DNAI4: variants seen among roughly 807,000 people sequenced by gnomAD.
The protein encoded by DNAI4 is dynein axonemal intermediate chain 4.
DNAI4 carries 85 observed loss-of-function variants against 105.8 expected under a neutral mutation model. The ratio of observed to expected loss-of-function variants is 0.80; its 90% confidence interval spans 0.67 to 0.96. The LOEUF (loss-of-function observed/expected upper bound fraction) is 0.96. Among genes scored for constraint, DNAI4 ranks in the 40% least tolerant of loss-of-function variants. The pLI is 0.00. For missense variants in DNAI4, 1,014 were observed against 1,005.6 expected, an observed-to-expected ratio of 1.01 and a Z score of -0.11; for synonymous variants, 352 against 331.5, an observed-to-expected ratio of 1.06 and a Z score of -0.67.
In DNAI4 at chr1:66,871,426, T is replaced by C. The variant is rs1385761550; in HGVS notation, c.884A>G (p.Asn295Ser). ...AACATCTTTATTCTTTGGTGCTCCA[T>C]TGAAAGTCTGCATCATCCTTTCAAC... ...LYVERMMQTF[N>S]GAPKNKDVQC... The change falls in exon 6 of 17, where the codon AAT becomes AGT. Residue 295 changes from asparagine to serine, a missense_variant. By Grantham distance (46) the Asn-to-Ser change is conservative. Coordinates refer to ENST00000371026, the MANE Select transcript of DNAI4 (RefSeq NM_024763.5). 1.1e-5 allele frequency: 18 copies of C among 1,612,614 alleles called. No homozygotes were observed. Among genetic ancestry groups the C allele is most frequent in the Admixed American group, 3.3e-5 (2 of 59,946 alleles).
At chr1:66,914,276 C>G (rs35567630) in intron 1 of DNAI4, among the ~76,000 whole-genome samples, 256 of 152,268 alleles carry the variant, frequency 1.7e-3, no homozygotes, top group Non-Finnish European at 2.1e-3. Flanking sequence ...TTTACAAGGT[C>G]AACCTGCAAA....
intron 1 of DNAI4, among the ~76,000 whole-genome samples, chr1:66,920,170 G>A (rs67262874): frequency 0.074 from 11,267 of 152,240 alleles, 507 homozygotes; most frequent in African/African-American, 0.13. Flanking sequence ...GACGTTGGAA[G>A]TCAGAGAGAA....
At chr1:66,887,592 T>G (rs1453180700) in intron 4 of DNAI4, among the ~76,000 whole-genome samples, 1 of 152,112 alleles carries the variant, frequency 6.6e-6, no homozygotes, top group Non-Finnish European at 1.5e-5. Flanking sequence ...CAAAATTAAA[T>G]TATATAAACT....
At position 66,837,535 on chromosome 1, in the gene DNAI4, T is replaced by C; in HGVS notation, c.1581+175A>G. 5.4e-6 allele frequency: 4 copies of C among 743,452 alleles called. No homozygotes were observed. The South Asian group carries it at 9.3e-5, about 17-fold the overall frequency. 46.1% of individuals were successfully genotyped at this position (743,452 alleles called of 1,614,324 possible). On this transcript the variant is annotated intron_variant, in intron 10 of 16. Coordinates refer to ENST00000371026, the MANE Select transcript of DNAI4 (RefSeq NM_024763.5). ...ACTGAATGAATTAATAAATGAATTATCTTTACCCTATGTCAACAAGAACAA... is the reference window on the plus strand; with the variant it reads ...ACTGAATGAATTAATAAATGAATTACCTTTACCCTATGTCAACAAGAACAA...
chr1:66,875,755 T>TA (rs1646946763), intron 4 of DNAI4, among the ~76,000 whole-genome samples: 1 of 151,988 alleles, frequency 6.6e-6, no homozygotes, highest in East Asian at 1.9e-4. Flanking sequence ...AGTCTCCTCT[T>TA]AAAAAGGTTC....
chr1:66,892,001 G>C (rs544738064), intron 3 of DNAI4, among the ~76,000 whole-genome samples: 1 of 152,172 alleles, frequency 6.6e-6, no homozygotes, highest in Non-Finnish European at 1.5e-5. Context: ...TCTGTTCACT[G>C]TTCAAATGTC....
chr1:66,891,377 T>C, intron 3 of DNAI4, 111 bp from the exon 4 acceptor site: 2 of 677,586 alleles, frequency 3.0e-6, no homozygotes, highest in Non-Finnish European at 5.0e-6. Flanking sequence ...ACTATGATCA[T>C]ATAAGCAAAA....
chr1:66,920,342 C>T (rs1479094337), intron 1 of DNAI4, among the ~76,000 whole-genome samples: 1 of 152,158 alleles, frequency 6.6e-6, no homozygotes, highest in Non-Finnish European at 1.5e-5. Context: ...CCTGCATTTA[C>T]CAGCTTCAAC....
chr1:66,853,038 C>T (rs1557926922), intron 7 of DNAI4, among the ~76,000 whole-genome samples: 1 of 152,140 alleles, frequency 6.6e-6, no homozygotes, highest in Non-Finnish European at 1.5e-5. Flanking sequence ...GGGCCCTGAC[C>T]AGGAGGAATG....
intron 2 of DNAI4, among the ~76,000 whole-genome samples, chr1:66,896,110 C>T (rs1402076103): frequency 6.6e-6 from 1 of 152,112 alleles, no homozygotes; most frequent in Non-Finnish European, 1.5e-5. Flanking sequence ...GTTCTGTTTT[C>T]ATCTATGTAT....
intron 16 of DNAI4, among the ~76,000 whole-genome samples, chr1:66,818,277 C>G (rs1217028160): frequency 6.6e-6 from 1 of 151,772 alleles, no homozygotes; most frequent in African/African-American, 2.4e-5. Flanking sequence ...TAGTATTCAT[C>G]ACATTTAAAA....
chr1:66,914,764 C>T (rs913115113), intron 1 of DNAI4, among the ~76,000 whole-genome samples: 1 of 151,878 alleles, frequency 6.6e-6, no homozygotes, highest in African/African-American at 2.4e-5. Context: ...TATTTGCATG[C>T]CTAATATGTC....
At chr1:66,920,553 G>T (rs1650400767) in intron 1 of DNAI4, among the ~76,000 whole-genome samples, 1 of 152,130 alleles carries the variant, frequency 6.6e-6, no homozygotes, top group African/African-American at 2.4e-5. Flanking sequence ...CTGTTGGGGA[G>T]TGAGTATGTA....
At chr1:66,880,940 C>T (rs572405319) in intron 4 of DNAI4, among the ~76,000 whole-genome samples, 24 of 152,208 alleles carry the variant, frequency 1.6e-4, no homozygotes, top group African/African-American at 5.5e-4. Context: ...TATTTTGTGC[C>T]CTGCATCCCA....
chr1:66,891,628 A>T (rs1406917282), intron 3 of DNAI4, among the ~76,000 whole-genome samples: 1 of 152,062 alleles, frequency 6.6e-6, no homozygotes, highest in African/African-American at 2.4e-5. Flanking sequence ...CGTCCAGCTA[A>T]TTTTTTTGTA....
rs1165479234 is a variant in DNAI4 at position 66,836,140 on chromosome 1, AAAAG to A, written c.1582-367_1582-364del. On this transcript the variant is annotated intron_variant, in intron 10 of 16. Coordinates refer to ENST00000371026, the MANE Select transcript of DNAI4 (RefSeq NM_024763.5). ...ACCCTCATCTCAGAAAGAAAGAAAG[AAAAG>A]AAAGAAAGAAAGAAAGAAAGAAAGA... 9.5e-3 allele frequency among the ~76,000 whole-genome samples: 910 copies of A among 96,048 alleles called. 21 individuals carry two copies. The highest frequency in any genetic ancestry group is 0.016 in the Admixed American group (136 of 8,264). 63.0% of individuals were successfully genotyped at this position (96,048 alleles called of 152,430 possible). A position where few individuals can be genotyped will look rare whatever the true frequency, so the allele number is the denominator to read the frequency against.
At chr1:66,866,761 T>C (rs1429054917) in intron 6 of DNAI4, among the ~76,000 whole-genome samples, 1 of 152,192 alleles carries the variant, frequency 6.6e-6, no homozygotes, top group East Asian at 1.9e-4. Context: ...GACTGGAAAT[T>C]ATTTACCTTC....
At chr1:66,896,230 G>A (rs545766307) in intron 2 of DNAI4, among the ~76,000 whole-genome samples, 1 of 152,000 alleles carries the variant, frequency 6.6e-6, no homozygotes, top group Non-Finnish European at 1.5e-5. Context: ...TTCAATTTTT[G>A]TTTGTCTGCT....
In DNAI4 at chr1:66,842,742, A is replaced by G. The variant is rs142556873; in HGVS notation, c.1292-2071T>C. Among the ~76,000 whole-genome samples, 56 of 152,276 alleles carry G rather than the reference A, an allele frequency of 3.7e-4. 1 individual carries two copies. The East Asian group carries it at 6.8e-3, about 18-fold the overall frequency. On this transcript the variant is annotated intron_variant, in intron 8 of 16. Coordinates refer to ENST00000371026, the MANE Select transcript of DNAI4 (RefSeq NM_024763.5). The stretch of plus-strand genomic sequence containing the variant: ...AAGAAACTGCCAAACAATCTTCCAA[A>G]GTGGATATACCATTGTGCATTCCCA...
Sources: allele counts gnomAD v4.1 joint callset (sites outside exome capture counted in the v4.1 genomes callset), GRCh38; gene constraint gnomAD v4.1.1; transcripts MANE v1.5; gene names NCBI Gene and HGNC (gene_info 2026-07-23, HGNC 2026-07-21).